DHRSX: variants seen among roughly 807,000 people sequenced by gnomAD.
DHRSX encodes polyprenol dehydrogenase.
In DHRSX, 31 loss-of-function variants were observed where a neutral mutation model predicts 34.0. The ratio of observed to expected loss-of-function variants is 0.91; its 90% CI spans 0.69 to 1.23. DHRSX has a LOEUF of 1.23. Among genes scored for constraint, DHRSX ranks in the 50% most tolerant of loss-of-function variants. The probability of loss-of-function intolerance (pLI) is 0.00; values close to 1 mark genes in which losing one functional copy is unlikely to be tolerated. For missense variants in DHRSX, 414 were observed against 428.1 expected (o/e 0.97, Z 0.29); for synonymous variants, 201 against 183.8 (o/e 1.09, Z -0.76).
At chrX:2,312,239 G>A (rs574339027) in intron 3 of DHRSX, among the ~76,000 whole-genome samples, 14 of 152,196 alleles carry the variant, frequency 9.2e-5, no homozygotes, top group African/African-American at 1.9e-4. Flanking sequence ...CAGGCACTTC[G>A]CTGGCTGGGA....
intron 5 of DHRSX, among the ~76,000 whole-genome samples, chrX:2,255,674 G>A (rs1315324640): frequency 6.6e-6 from 1 of 151,988 alleles, no homozygotes. Flanking sequence ...ACATTGGGAA[G>A]TCGAAGTGGG....
At chrX:2,261,762 C>T (rs1385728525) in intron 5 of DHRSX, 1 of 151,820 alleles carries the variant, frequency 6.6e-6, no homozygotes, top group African/African-American at 2.4e-5. Context: ...CAGAGTGAGA[C>T]TCCATCTGAA....
At chrX:2,491,733 A>G (rs1213096403) in intron 1 of DHRSX, among the ~76,000 whole-genome samples, 2 of 152,214 alleles carry the variant, frequency 1.3e-5, no homozygotes, top group African/African-American at 4.8e-5. Context: ...GGATTTCTCA[A>G]TCCCTGGAAC....
chrX:2,423,984 C>T (rs1445378032), intron 2 of DHRSX, among the ~76,000 whole-genome samples: 1 of 152,118 alleles, frequency 6.6e-6, no homozygotes, highest in Non-Finnish European at 1.5e-5. Flanking sequence ...TGTGTTTGAA[C>T]AAAATTCATA....
chrX:2,345,956 T>G (rs2042704189), intron 3 of DHRSX, among the ~76,000 whole-genome samples: 1 of 152,160 alleles, frequency 6.6e-6, no homozygotes, highest in South Asian at 2.1e-4. Context: ...CACATCATAT[T>G]GGTTCTATTT....
At chrX:2,227,408 G>C (rs2015694707) in intron 6 of DHRSX, among the ~76,000 whole-genome samples, 2 of 148,900 alleles carry the variant, frequency 1.3e-5, no homozygotes, top group African/African-American at 4.9e-5. Context: ...AAAGAAGGAA[G>C]CATAATGGGA....
chrX:2,428,848 C>T (rs754562893), intron 1 of DHRSX, among the ~76,000 whole-genome samples: 1 of 152,144 alleles, frequency 6.6e-6, no homozygotes, highest in African/African-American at 2.4e-5. Context: ...TCTCCTCTCC[C>T]CCCAAAATAA....
chrX:2,487,381 TTGAGACGGAGTCTCACTC>T (rs1428138474), intron 1 of DHRSX: 4 of 148,136 alleles, frequency 2.7e-5, no homozygotes, highest in African/African-American at 9.8e-5. Context: ...TTGTTTTGTT[TTGAGACGGAGTCTCACTC>T]TGGCCTCCAG....
intron 3 of DHRSX, among the ~76,000 whole-genome samples, chrX:2,382,984 TCAGCAG>T (rs374983795): frequency 2.7e-5 from 4 of 148,176 alleles, no homozygotes; most frequent in African/African-American, 5.0e-5. Flanking sequence ...ATCACCATCA[TCAGCAG>T]CATCATCACC....
At chrX:2,336,299 C>G (rs1453100175) in intron 3 of DHRSX, 1 of 152,200 alleles carries the variant, frequency 6.6e-6, no homozygotes, top group South Asian at 2.1e-4. Flanking sequence ...TGAGCCACCA[C>G]GCCAGACTGC....
chrX:2,282,886 G>A (rs1252110368), intron 4 of DHRSX, among the ~76,000 whole-genome samples: 3 of 140,026 alleles, frequency 2.1e-5, no homozygotes, highest in Admixed American at 6.8e-5. Context: ...AGAGAGGGAG[G>A]GAGGAGGGAG....
chrX:2,396,451 C>T (rs2001752), intron 3 of DHRSX, among the ~76,000 whole-genome samples: 71,916 of 144,196 alleles, frequency 0.5, 18,162 homozygotes, highest in Admixed American at 0.56. Context: ...TATCTCAGCT[C>T]ACTGCAACCT....
rs773439909 is a variant in DHRSX at position 2,339,197 on chromosome X, A to G, written c.287-47594T>C. Among the ~76,000 whole-genome samples, 198 of 152,008 alleles carry G rather than the reference A, an allele frequency of 1.3e-3. 2 individuals are homozygous for G. Among genetic ancestry groups the G allele is most frequent in the South Asian group, 9.1e-3 (44 of 4,820 alleles). Reference sequence around the variant, plus strand: ...GTCAGCCAGGCTGGAGCGCAGTGGCATGATCTCGGCTCACTGCAACCTCCA... The same window carrying G: ...GTCAGCCAGGCTGGAGCGCAGTGGCGTGATCTCGGCTCACTGCAACCTCCA... On this transcript the variant is annotated intron_variant, in intron 3 of 6. Transcript: ENST00000334651.
Position 2,272,566 on chromosome X carries a change from G to T in DHRSX, c.389-5619C>A, listed in dbSNP as rs1357895884. Among the ~76,000 whole-genome samples, 6 of 152,222 alleles carry T rather than the reference G, an allele frequency of 3.9e-5. No homozygotes were observed. The East Asian group carries it at 1.2e-3, about 29-fold the overall frequency. On this transcript the variant is annotated intron_variant, in intron 4 of 6. Coordinates refer to ENST00000334651, the MANE Select transcript of DHRSX (RefSeq NM_145177.3). ...AAAGTTGGGTCAATAAGGTCACGTG[G>T]CCCCTGCTTGGTTCTTGGGAATGCT...
intron 1 of DHRSX, among the ~76,000 whole-genome samples, chrX:2,478,277 G>A (rs1370175927): frequency 2.6e-5 from 4 of 152,120 alleles, no homozygotes; most frequent in African/African-American, 9.7e-5. Context: ...TGGGATGGGC[G>A]GTGACAGAGG....
At chrX:2,349,257 A>G (rs34546286) in intron 3 of DHRSX, among the ~76,000 whole-genome samples, 77,500 of 151,810 alleles carry the variant, frequency 0.51, 21,389 homozygotes, top group African/African-American at 0.68. Context: ...CAAGCGTTCA[A>G]TAGATGAATG....
intron 1 of DHRSX, among the ~76,000 whole-genome samples, chrX:2,477,948 T>C (rs193109126): frequency 2.0e-3 from 309 of 152,044 alleles, no homozygotes; most frequent in South Asian, 0.015. Context: ...CCTTCTAAGG[T>C]TTCTCTCCTG....
chrX:2,267,012 G>T lies in DHRSX; in HGVS notation c.389-65C>A, dbSNP rs979740975. 5 of 1,535,976 alleles carry T rather than the reference G, an allele frequency of 3.3e-6. No individual in the cohort carries two copies. The African/African-American group carries it at 6.8e-5, about 21-fold the overall frequency. On this transcript the variant is annotated intron_variant, in intron 4 of 6. Transcript: ENST00000334651. ...AGACAGTGGAGAAATCTCACAGATG[G>T]ATTCCCCAGATGCGCAAATGGCCCA...
At chrX:2,298,618 A>ACACACACGCACGCACACGCACGCG (rs1556457322) in intron 3 of DHRSX, among the ~76,000 whole-genome samples, 2 of 135,360 alleles carry the variant, frequency 1.5e-5, no homozygotes, top group African/African-American at 7.7e-5. Context: ...ACACACACAC[A>ACACACACGCACGCACACGCACGCG]CACACACACA....
Sources: allele counts gnomAD v4.1 joint callset (sites outside exome capture counted in the v4.1 genomes callset), GRCh38; gene constraint gnomAD v4.1.1; transcripts MANE v1.5; gene names NCBI Gene and HGNC (gene_info 2026-07-23, HGNC 2026-07-21).